Variants in DPP6 observed in about 807,000 individuals in gnomAD.
DPP6 encodes the protein A-type potassium channel modulatory protein DPP6.
A neutral mutation model predicts 122.6 loss-of-function variants in DPP6; 69 were observed. The observed-to-expected ratio is 0.56, with a 90% CI of 0.46 to 0.69. The LOEUF (loss-of-function observed/expected upper bound fraction) is 0.69. DPP6 is among the 30% of genes least tolerant of loss of function. The pLI, the probability that DPP6 is intolerant of heterozygous loss-of-function variation, is 0.00. For missense variants in DPP6, 928 were observed against 1,116.9 expected (o/e 0.83, Z 2.41); for synonymous variants, 418 against 433.1 (o/e 0.97, Z 0.43).
chr7:154,060,630 T>A (rs1250372699), intron 1 of DPP6, among the ~76,000 whole-genome samples: 1,438 of 139,994 alleles, frequency 0.01, 16 homozygotes, highest in African/African-American at 0.039. Context: ...AGGACCCCCA[T>A]CGCAGGAGGG....
the DPP6 span, among the ~76,000 whole-genome samples, chr7:153,830,817 A>C: frequency 6.6e-6 from 1 of 152,230 alleles, no homozygotes; most frequent in African/African-American, 2.4e-5. Context: ...TTTTGTCTGA[A>C]GAGCTTAGGC....
chr7:154,854,450 G>T (rs1201223498), intron 17 of DPP6, among the ~76,000 whole-genome samples: 1 of 152,182 alleles, frequency 6.6e-6, no homozygotes, highest in African/African-American at 2.4e-5. Context: ...ATCAGTGGGA[G>T]GCGATTTTTG....
intron 3 of DPP6, among the ~76,000 whole-genome samples, chr7:154,536,168 T>C (rs1362977051): frequency 6.6e-6 from 1 of 152,154 alleles, no homozygotes; most frequent in Admixed American, 6.6e-5. Flanking sequence ...AAGATCATTA[T>C]GGTAAGTGAA....
At chr7:154,213,380 T>C (rs1470332389) in intron 1 of DPP6, among the ~76,000 whole-genome samples, 2 of 152,246 alleles carry the variant, frequency 1.3e-5, no homozygotes, top group African/African-American at 2.4e-5. Context: ...CTGCAACTTA[T>C]TGTTTCTCTG....
intron 7 of DPP6, among the ~76,000 whole-genome samples, chr7:154,718,512 GC>G (rs2131332288): frequency 6.6e-6 from 1 of 151,752 alleles, no homozygotes; most frequent in East Asian, 1.9e-4. Context: ...TAAAAGTTCA[GC>G]CCTTTGCTCT....
At chr7:153,838,191 G>A in the DPP6 span, among the ~76,000 whole-genome samples, 1 of 152,080 alleles carries the variant, frequency 6.6e-6, no homozygotes, top group Non-Finnish European at 1.5e-5. Flanking sequence ...CCAGAACCAG[G>A]AATCCCATGC....
chr7:153,788,576 A>G, the DPP6 span, among the ~76,000 whole-genome samples: 1 of 152,190 alleles, frequency 6.6e-6, no homozygotes. Context: ...TTGACTGTAC[A>G]TGTTTGTACC....
At chr7:154,136,859 G>A (rs1265070789) in intron 1 of DPP6, among the ~76,000 whole-genome samples, 1 of 152,216 alleles carries the variant, frequency 6.6e-6, no homozygotes, top group East Asian at 1.9e-4. Context: ...GGCTGCAAGT[G>A]CAATATTGTT....
chr7:154,331,394 A>T (rs17202377), intron 1 of DPP6, among the ~76,000 whole-genome samples: 16,659 of 152,262 alleles, frequency 0.11, 1,110 homozygotes, highest in Middle Eastern at 0.17. Context: ...CTTGAGCTGC[A>T]CTAATAGACG....
rs74584153 is a variant in DPP6 at position 154,297,620 on chromosome 7, C to T, written c.244-148594C>T. On this transcript the variant is annotated intron_variant, in intron 1 of 25. Coordinates refer to ENST00000377770, the MANE Select transcript of DPP6 (RefSeq NM_130797.4). ...GTATCAATTTTGGCTTGGTTGTGCA[C>T]GCCAGAAAACCTAAAATAACAGTGC... Among the ~76,000 whole-genome samples the T allele has an allele frequency of 3.3e-3, 497 of 152,272 alleles. 7 individuals carry two copies. The East Asian group carries it at 0.047, about 14-fold the overall frequency.
At chr7:154,692,804 C>G (rs1840007495) in intron 7 of DPP6, among the ~76,000 whole-genome samples, 1 of 139,112 alleles carries the variant, frequency 7.2e-6, no homozygotes, top group African/African-American at 2.7e-5. Flanking sequence ...TTTTTTGAGA[C>G]AGGGTCTCAC....
intron 8 of DPP6, among the ~76,000 whole-genome samples, chr7:154,737,794 G>A (rs976707133): frequency 1.3e-5 from 2 of 152,308 alleles, no homozygotes; most frequent in East Asian, 3.9e-4. Flanking sequence ...CATCTGTGCT[G>A]TAAAAGGTGT....
At chr7:154,122,848 T>C (rs189423045) in intron 1 of DPP6, among the ~76,000 whole-genome samples, 320 of 152,380 alleles carry the variant, frequency 2.1e-3, no homozygotes, top group Middle Eastern at 3.4e-3. Flanking sequence ...ATCATCACTG[T>C]GCGCCCTTTG....
intron 8 of DPP6, among the ~76,000 whole-genome samples, chr7:154,764,421 G>A (rs907381697): frequency 2.0e-5 from 3 of 152,126 alleles, no homozygotes; most frequent in Admixed American, 6.5e-5. Flanking sequence ...CCTTAAAGGC[G>A]GAAGACAGGT....
chr7:153,831,457 CAG>C, the DPP6 span, among the ~76,000 whole-genome samples: 1 of 152,088 alleles, frequency 6.6e-6, no homozygotes, highest in Admixed American at 6.5e-5. Flanking sequence ...CGAAGAGGGA[CAG>C]AGAGGAGGTC....
At chr7:154,053,138 G>A (rs372852778) in intron 1 of DPP6, 75 bp downstream of exon 1, 27 of 781,984 alleles carry the variant, frequency 3.5e-5, no homozygotes, top group Non-Finnish European at 4.0e-5. Context: ...GTCGGCAGGG[G>A]AAATTTTTTT....
chr7:154,260,808 T>A (rs1196625600), intron 1 of DPP6, among the ~76,000 whole-genome samples: 5 of 151,064 alleles, frequency 3.3e-5, no homozygotes, highest in Non-Finnish European at 5.9e-5. Flanking sequence ...TGTGCAGGTA[T>A]CTTTTTCATA....
In DPP6 at chr7:154,389,328, T is replaced by G. The variant is rs977844325; in HGVS notation, c.244-56886T>G. On this transcript the variant is annotated intron_variant, in intron 1 of 25. Transcript: ENST00000377770. ...TGGATGGTGCTGCCTTCTGAAAGAT[T>G]AATCGTGCCTTGAAATCTAGATATT... is the stretch of plus-strand genomic sequence containing the variant. Among the ~76,000 whole-genome samples, 9 of 152,294 alleles carry G rather than the reference T, an allele frequency of 5.9e-5. No homozygotes were observed. The East Asian group carries it at 1.7e-3, about 29-fold the overall frequency.
intron 10 of DPP6, among the ~76,000 whole-genome samples, chr7:154,779,116 CACCACCACTATCACCGCT>C (rs2150398358): frequency 1.7e-5 from 2 of 117,802 alleles, no homozygotes; most frequent in East Asian, 2.5e-4. Context: ...CCCCCACCAT[CACCACCACTATCACCGCT>C]ATCACCACCA....
Sources: gnomAD v4.1 joint callset for allele counts (sites outside exome capture counted in the v4.1 genomes callset) on GRCh38, gnomAD v4.1.1 for gene constraint, MANE v1.5 for transcripts, NCBI Gene and HGNC (gene_info 2026-07-23, HGNC 2026-07-21) for gene names.